LSAMP: variants seen among roughly 807,000 people sequenced by gnomAD.
LSAMP encodes the protein limbic system-associated membrane protein.
In LSAMP, 7 loss-of-function variants were observed where a neutral mutation model predicts 38.6. The ratio of observed to expected loss-of-function variants is 0.18; its 90% CI spans 0.10 to 0.34. LSAMP has a LOEUF of 0.34. LSAMP is among the 10% of genes least tolerant of loss of function. The pLI is 1.00. For synonymous variants in LSAMP, 154 were observed against 166.8 expected (o/e 0.92, Z 0.59); for missense variants, 313 against 420.0 (o/e 0.75, Z 2.23).
At chr3:115,906,665 T>C (rs951217494) in intron 3 of LSAMP, among the ~76,000 whole-genome samples, 1 of 152,172 alleles carries the variant, frequency 6.6e-6, no homozygotes, top group African/African-American at 2.4e-5. Context: ...CTAATAGTTT[T>C]GTTTGCTGAA....
Position 116,379,682 on chromosome 3 carries a change from G to T in LSAMP, c.155+65195C>A, listed in dbSNP as rs1045611098. On this transcript the variant is annotated intron_variant, in intron 1 of 6. Coordinates refer to ENST00000490035, the MANE Select transcript of LSAMP (RefSeq NM_002338.5). The stretch of plus-strand genomic sequence containing the variant: ...TTATAGGAAGTCAGAGGGTACAGAA[G>T]AAAAAAATATATATATTTATAGGAC... Among the ~76,000 whole-genome samples the T allele has an allele frequency of 4.0e-5, 6 of 151,384 alleles. No homozygotes were observed. The East Asian group carries it at 1.2e-3, about 29-fold the overall frequency.
At chr3:116,406,201 T>C (rs919881830) in intron 1 of LSAMP, among the ~76,000 whole-genome samples, 1 of 152,100 alleles carries the variant, frequency 6.6e-6, no homozygotes, top group Non-Finnish European at 1.5e-5. Context: ...CTTGGGGAAC[T>C]CTGAGGATGT....
intron 1 of LSAMP, among the ~76,000 whole-genome samples, chr3:116,431,589 G>A (rs574452977): frequency 2.8e-4 from 43 of 152,076 alleles, no homozygotes; most frequent in Middle Eastern, 3.4e-3. Context: ...GTATAATTAT[G>A]CTCTCAAGTT....
intron 2 of LSAMP, 32 bp from the exon 3 acceptor site, chr3:116,019,672 C>G (rs772916359): frequency 5.0e-6 from 8 of 1,603,508 alleles, no homozygotes; most frequent in Non-Finnish European, 6.0e-6. Flanking sequence ...GAATATGTAA[C>G]CATGTCAGTA....
At chr3:115,839,258 T>TTCCTTCCTTCCTTCC (rs58456110) in intron 6 of LSAMP, among the ~76,000 whole-genome samples, 1 of 105,152 alleles carries the variant, frequency 9.5e-6, no homozygotes, top group Non-Finnish European at 2.0e-5. Flanking sequence ...TCCTTCCTTC[T>TTCCTTCCTTCCTTCC]TTCTTTCCTT....
chr3:116,377,421 T>TA (rs1366550686), intron 1 of LSAMP, among the ~76,000 whole-genome samples: 1 of 152,132 alleles, frequency 6.6e-6, no homozygotes, highest in Non-Finnish European at 1.5e-5. Flanking sequence ...CATTCCTTTT[T>TA]ATGGCAGCTT....
intron 3 of LSAMP, among the ~76,000 whole-genome samples, chr3:115,933,241 A>G (rs1048447400): frequency 6.6e-6 from 1 of 152,174 alleles, no homozygotes; most frequent in Non-Finnish European, 1.5e-5. Flanking sequence ...CATTAGAAAA[A>G]CGTTACTCTA....
intron 1 of LSAMP, among the ~76,000 whole-genome samples, chr3:116,415,082 C>T (rs568493364): frequency 6.6e-6 from 1 of 150,728 alleles, no homozygotes; most frequent in East Asian, 1.9e-4. Flanking sequence ...CTCCTTCACA[C>T]TAAAAACGAA....
intron 6 of LSAMP, among the ~76,000 whole-genome samples, chr3:115,836,531 A>T (rs748126387): frequency 6.6e-6 from 1 of 152,206 alleles, no homozygotes; most frequent in Non-Finnish European, 1.5e-5. Context: ...CACACTTAGC[A>T]GCTGATTGGG....
intron 3 of LSAMP, among the ~76,000 whole-genome samples, chr3:115,991,693 A>G (rs9866854): frequency 6.6e-6 from 1 of 152,020 alleles, no homozygotes; most frequent in Non-Finnish European, 1.5e-5. Flanking sequence ...GCTTGTAGCC[A>G]CTCTGTCTAA....
intron 1 of LSAMP, among the ~76,000 whole-genome samples, chr3:116,158,197 A>C (rs1709801850): frequency 6.6e-6 from 1 of 152,192 alleles, no homozygotes; most frequent in South Asian, 2.1e-4. Context: ...CATTGAAGGA[A>C]CATACTTCAT....
rs537383375 is a variant in LSAMP, at chr3:116,406,268, G to A, written c.155+38609C>T. 7.0e-4 allele frequency among the ~76,000 whole-genome samples: 107 copies of A among 152,196 alleles called. 3 individuals carry two copies. The South Asian group carries it at 0.022, about 31-fold the overall frequency. The stretch of plus-strand genomic sequence containing the variant: ...AATGCTGAATAAATTAGCATACAAA[G>A]AGAATTATCCAAACACCCAGCTCTT... On this transcript the variant is annotated intron_variant, in intron 1 of 6. Coordinates refer to ENST00000490035, the MANE Select transcript of LSAMP (RefSeq NM_002338.5).
intron 1 of LSAMP, among the ~76,000 whole-genome samples, chr3:116,350,638 T>C (rs957891799): frequency 6.6e-6 from 1 of 151,842 alleles, no homozygotes; most frequent in African/African-American, 2.4e-5. Context: ...TTTTTTTTTT[T>C]ACTTAATAAT....
intron 3 of LSAMP, among the ~76,000 whole-genome samples, chr3:115,912,641 G>C (rs1162142214): frequency 6.6e-6 from 1 of 152,200 alleles, no homozygotes; most frequent in Non-Finnish European, 1.5e-5. Flanking sequence ...TTGCTGGCAC[G>C]AGTGGAGTTG....
chr3:115,830,867 C>A (rs1272952809), intron 6 of LSAMP, among the ~76,000 whole-genome samples: 1 of 152,176 alleles, frequency 6.6e-6, no homozygotes, highest in Non-Finnish European at 1.5e-5. Context: ...GGTACGCCCT[C>A]TCCTCTAACT....
chr3:116,433,280 C>G (rs2049306409), intron 1 of LSAMP, among the ~76,000 whole-genome samples: 1 of 151,910 alleles, frequency 6.6e-6, no homozygotes, highest in African/African-American at 2.4e-5. Context: ...AGTAGCATAA[C>G]TAAAGTACAA....
At chr3:115,983,971 T>C (rs1939438611) in intron 3 of LSAMP, among the ~76,000 whole-genome samples, 1 of 152,120 alleles carries the variant, frequency 6.6e-6, no homozygotes, top group African/African-American at 2.4e-5. Context: ...AGAACAATAA[T>C]TTGACAGCAC....
chr3:116,297,720 T>C (rs2047354467), intron 1 of LSAMP, among the ~76,000 whole-genome samples: 1 of 152,172 alleles, frequency 6.6e-6, no homozygotes, highest in South Asian at 2.1e-4. Context: ...AAAAAATTGA[T>C]AAAAGTCAAC....
In LSAMP at chr3:115,898,150, G is replaced by A. The variant is rs544346514; in HGVS notation, c.515-45533C>T. ...TCATTCTCAGGGTGTTAAGGGTTTA[G>A]TGTTTCCCCAAATTTTGGATGATGA... is the stretch of plus-strand genomic sequence containing the variant. On this transcript the variant is annotated intron_variant, in intron 3 of 6. Transcript: ENST00000490035. 8.0e-4 allele frequency among the ~76,000 whole-genome samples: 122 copies of A among 152,240 alleles called. 1 individual carries two copies. Among genetic ancestry groups the A allele is most frequent in the African/African-American group, 2.7e-3 (113 of 41,558 alleles).
Sources: gnomAD v4.1 joint callset for allele counts (sites outside exome capture counted in the v4.1 genomes callset) on GRCh38, gnomAD v4.1.1 for gene constraint, MANE v1.5 for transcripts, NCBI Gene and HGNC (gene_info 2026-07-23, HGNC 2026-07-21) for gene names.